Variants in DCDC2C observed in about 807,000 individuals in gnomAD.
The protein encoded by DCDC2C is doublecortin domain-containing protein 2C.
Under a neutral mutation model 45.0 loss-of-function variants are expected in DCDC2C, and 44 were observed. The observed-to-expected ratio is 0.98, with a 90% CI of 0.77 to 1.26. The LOEUF is 1.26. Ranked by LOEUF, DCDC2C falls within the 50% of genes most tolerant of loss-of-function variation. DCDC2C has a pLI of 0.00. For synonymous variants in DCDC2C, 187 were observed against 178.8 expected, an observed-to-expected ratio of 1.05 and a Z score of -0.37; for missense variants, 447 against 468.9, an observed-to-expected ratio of 0.95 and a Z score of 0.43.
rs1367710697 is a variant in DCDC2C at position 3,767,837 on chromosome 2, AAAG to A, written c.816_818del (p.Lys273del). ...ATTCTGTTTATTATGCCAAAGAAGA[AAAG>A]AAGAAAACATTGGCAGAACCTTTAG... On this transcript the variant is annotated inframe_deletion, in exon 7 of 11. Coordinates refer to ENST00000399143, the MANE Select transcript of DCDC2C (RefSeq NM_001287444.2). 6.5e-7 allele frequency: 1 copy of A among 1,544,388 alleles called. No homozygotes were observed.
chr2:3,840,221 G>A (rs1028824794), intron 10 of DCDC2C, among the ~76,000 whole-genome samples: 4 of 152,164 alleles, frequency 2.6e-5, no homozygotes, highest in African/African-American at 4.8e-5. Flanking sequence ...TGCTGTGTAA[G>A]CCGAGCTGGT....
chr2:3,767,401 T>C (rs1012316216), intron 6 of DCDC2C, among the ~76,000 whole-genome samples: 1 of 152,074 alleles, frequency 6.6e-6, no homozygotes, highest in Non-Finnish European at 1.5e-5. Context: ...CTTTAAAGAG[T>C]GTCTCCAAAA....
intron 10 of DCDC2C, among the ~76,000 whole-genome samples, chr2:3,794,849 G>A (rs539744831): frequency 2.0e-5 from 3 of 152,188 alleles, no homozygotes; most frequent in African/African-American, 7.2e-5. Context: ...CTTTATAGCA[G>A]CATGATTTAT....
chr2:3,724,975 G>C (rs1452163097), intron 2 of DCDC2C, among the ~76,000 whole-genome samples: 2 of 152,296 alleles, frequency 1.3e-5, no homozygotes, highest in South Asian at 4.1e-4. Context: ...GTGCTAAGTT[G>C]GGTCTGGGTT....
intron 10 of DCDC2C, among the ~76,000 whole-genome samples, chr2:3,794,031 T>G (rs1038112820): frequency 1.3e-5 from 2 of 152,246 alleles, no homozygotes; most frequent in African/African-American, 4.8e-5. Flanking sequence ...TCTTAAAGGT[T>G]AGTTACAATG....
chr2:3,736,606 G>GAGCCAGCAAATGTCCAGACCC (rs1175351359), intron 3 of DCDC2C, among the ~76,000 whole-genome samples: 4 of 152,168 alleles, frequency 2.6e-5, no homozygotes, highest in Admixed American at 6.5e-5. Flanking sequence ...TTCTCCCCAC[G>GAGCCAGCAAATGTCCAGACCC]AGCCAGCAAA....
intron 10 of DCDC2C, among the ~76,000 whole-genome samples, chr2:3,805,634 G>A (rs1446132850): frequency 6.6e-6 from 1 of 152,204 alleles, no homozygotes; most frequent in Non-Finnish European, 1.5e-5. Context: ...CATTTTAAAA[G>A]AAGTAATTAG....
At chr2:3,715,468 C>T (rs113083333) in intron 2 of DCDC2C, among the ~76,000 whole-genome samples, 5,359 of 152,172 alleles carry the variant, frequency 0.035, 340 homozygotes, top group African/African-American at 0.12. Context: ...CTCTGTAATT[C>T]GGACAAATTA....
intron 10 of DCDC2C, among the ~76,000 whole-genome samples, chr2:3,845,665 T>G (rs1384863196): frequency 2.1e-5 from 3 of 141,558 alleles, no homozygotes; most frequent in African/African-American, 7.5e-5. Context: ...AGAGCACATC[T>G]ACTTTGATTT....
intron 10 of DCDC2C, among the ~76,000 whole-genome samples, chr2:3,786,807 C>T (rs1670667564): frequency 6.6e-6 from 1 of 152,238 alleles, no homozygotes; most frequent in East Asian, 1.9e-4. Context: ...GCTAGGTGTC[C>T]TTTGTTAAGT....
intron 2 of DCDC2C, among the ~76,000 whole-genome samples, chr2:3,725,514 T>G (rs868533039): frequency 1.4e-3 from 113 of 80,428 alleles, no homozygotes; most frequent in African/African-American, 5.4e-3. Flanking sequence ...GGCTGCCCGG[T>G]GGATCCCAGA....
intron 3 of DCDC2C, among the ~76,000 whole-genome samples, chr2:3,729,316 GAGA>G (rs1201454294): frequency 6.6e-6 from 1 of 152,202 alleles, no homozygotes; most frequent in Admixed American, 6.5e-5. Context: ...GGCAGAACTG[GAGA>G]AGAAGGGGCC....
chr2:3,839,786 C>T (rs1206238632), intron 10 of DCDC2C, among the ~76,000 whole-genome samples: 1 of 152,178 alleles, frequency 6.6e-6, no homozygotes, highest in Admixed American at 6.5e-5. Flanking sequence ...TCTCACTCGC[C>T]AAAATGTCAG....
At chr2:3,704,179 C>T (rs34652310) in intron 1 of DCDC2C, 141 bp downstream of exon 1, 303,348 of 825,382 alleles carry the variant, frequency 0.37, 59,432 homozygotes, top group Non-Finnish European at 0.41. Flanking sequence ...GTGGATCCAG[C>T]GCAGCCGGCG....
intron 10 of DCDC2C, among the ~76,000 whole-genome samples, chr2:3,798,337 G>A (rs2148198379): frequency 6.6e-6 from 1 of 151,360 alleles, no homozygotes; most frequent in African/African-American, 2.4e-5. Context: ...TTGCCAGTCT[G>A]TGTCTTTTAA....
chr2:3,834,984 C>A (rs1672041322), intron 10 of DCDC2C, among the ~76,000 whole-genome samples: 1 of 152,182 alleles, frequency 6.6e-6, no homozygotes, highest in Non-Finnish European at 1.5e-5. Context: ...AAGAGAGACT[C>A]AGAGAGGTAA....
At chr2:3,808,829 C>T (rs1671321368) in intron 10 of DCDC2C, among the ~76,000 whole-genome samples, 1 of 152,148 alleles carries the variant, frequency 6.6e-6, no homozygotes, top group Non-Finnish European at 1.5e-5. Context: ...TATGCCTAAC[C>T]CAAAGTCTCA....
intron 6 of DCDC2C, 82 bp from the exon 7 acceptor site, chr2:3,767,672 C>G (rs1670049179): frequency 3.3e-6 from 5 of 1,494,776 alleles, no homozygotes; most frequent in Non-Finnish European, 3.6e-6. Context: ...TTGTGTCTTC[C>G]TGACCACACC....
intron 10 of DCDC2C, among the ~76,000 whole-genome samples, chr2:3,837,341 A>C (rs1489808554): frequency 6.6e-6 from 1 of 152,242 alleles, no homozygotes; most frequent in Non-Finnish European, 1.5e-5. Context: ...GAAGTCATTC[A>C]TAGCCTAACA....
Sources: allele counts gnomAD v4.1 joint callset (sites outside exome capture counted in the v4.1 genomes callset), GRCh38; gene constraint gnomAD v4.1.1; transcripts MANE v1.5; gene names NCBI Gene and HGNC (gene_info 2026-07-23, HGNC 2026-07-21).